Variants in TP53INP1 observed in about 807,000 individuals in gnomAD.
TP53INP1 encodes tumor protein p53 inducible nuclear protein 1, also known as tumor protein p53-inducible nuclear protein 1.
Under a neutral mutation model 21.0 loss-of-function variants are expected in TP53INP1, and 12 were observed. The ratio of observed to expected loss-of-function variants is 0.57; its 90% CI spans 0.37 to 0.93. TP53INP1 has a LOEUF of 0.93. TP53INP1 is among the 40% of genes least tolerant of loss of function. TP53INP1 has a pLI of 0.01. For synonymous variants in TP53INP1, 91 were observed against 94.8 expected (o/e 0.96, Z 0.23); for missense variants, 274 against 294.7 (o/e 0.93, Z 0.51).
chr8:94,941,981 G>C (rs1054389780), intron 1 of TP53INP1, among the ~76,000 whole-genome samples: 5 of 151,678 alleles, frequency 3.3e-5, no homozygotes, highest in Non-Finnish European at 7.4e-5. Context: ...CCCTTTCTCA[G>C]GAAGCAGCAG....
intron 3 of TP53INP1, among the ~76,000 whole-genome samples, chr8:94,936,426 C>G (rs1423844216): frequency 1.3e-5 from 2 of 152,162 alleles, no homozygotes; most frequent in Non-Finnish European, 2.9e-5. Context: ...AACTGACTGA[C>G]AAAGAGCTGC....
chr8:94,931,609 C>CATATAT (rs1554629448), intron 3 of TP53INP1, among the ~76,000 whole-genome samples: 3 of 151,680 alleles, frequency 2.0e-5, no homozygotes, highest in African/African-American at 7.3e-5. Context: ...CACACACACA[C>CATATAT]ATAAAATTTT....
intron 1 of TP53INP1, among the ~76,000 whole-genome samples, chr8:94,948,139 T>G (rs1822178062): frequency 6.6e-6 from 1 of 152,216 alleles, no homozygotes; most frequent in African/African-American, 2.4e-5. Context: ...TAATCCACTC[T>G]GTATTGGAAT....
intron 1 of TP53INP1, among the ~76,000 whole-genome samples, chr8:94,947,204 C>A (rs1822093923): frequency 6.6e-6 from 1 of 151,572 alleles, no homozygotes; most frequent in East Asian, 1.9e-4. Flanking sequence ...GGCTCCCAGT[C>A]TCAACTATGG....
rs765510485 is a variant in TP53INP1, at chr8:94,926,970, C to T, written c.*3509G>A. ...CAGTGAAACCATCCAAGATAGAAGG[C>T]CCACTTTTAACAGAGTTTAACCAGT... On this transcript the variant is annotated 3_prime_UTR_variant, in exon 4 of 4. Transcript: ENST00000342697. 5.9e-5 allele frequency: 9 copies of T among 152,262 alleles called. No individual in the cohort carries two copies. In the East Asian group the frequency reaches 1.7e-3, roughly 29 times the overall value. 9.4% of individuals were successfully genotyped at this position (152,262 alleles called of 1,614,324 possible).
rs79298938 is a variant in TP53INP1 at position 94,939,437 on chromosome 8, C to T, written c.473+423G>A. ...TTTGAGACAGAGTCTTGCTCTGTCA[C>T]CCAGGCTGATGTGCAGTGGCACAAT... On this transcript the variant is annotated intron_variant, in intron 3 of 3. Transcript: ENST00000342697. Among the ~76,000 whole-genome samples, 192 of 152,310 alleles carry T rather than the reference C, an allele frequency of 1.3e-3. No homozygotes were observed. In the East Asian group the frequency reaches 0.031, roughly 25 times the overall value.
chr8:94,930,818 C>A, intron 3 of TP53INP1, 90 bp from the exon 4 acceptor site: 1 of 1,420,372 alleles, frequency 7.0e-7, no homozygotes. Context: ...ATTTGCCACG[C>A]TAATTTGTTT....
chr8:94,946,266 T>C (rs1373422738), intron 1 of TP53INP1, among the ~76,000 whole-genome samples: 1 of 152,202 alleles, frequency 6.6e-6, no homozygotes, highest in African/African-American at 2.4e-5. Context: ...GGTGGCTGAC[T>C]GAGTCTAATA....
chr8:94,942,129 C>T (rs747353361), intron 1 of TP53INP1, among the ~76,000 whole-genome samples: 28 of 151,950 alleles, frequency 1.8e-4, no homozygotes, highest in Admixed American at 4.6e-4. Flanking sequence ...CTCTGCCTCC[C>T]GGGTTCACGC....
intron 2 of TP53INP1, 94 bp downstream of exon 2, chr8:94,940,736 C>G: frequency 2.3e-6 from 2 of 865,800 alleles, no homozygotes; most frequent in South Asian, 3.3e-5. Flanking sequence ...AGGCTGAAAA[C>G]CCCTCAGTTA....
Sources: gnomAD v4.1 joint callset for allele counts (sites outside exome capture counted in the v4.1 genomes callset) on GRCh38, gnomAD v4.1.1 for gene constraint, MANE v1.5 for transcripts, NCBI Gene and HGNC (gene_info 2026-07-23, HGNC 2026-07-21) for gene names.